The following FASTKD2 variants were observed in gnomAD, a reference collection of about 807,000 sequenced individuals.
FASTKD2 encodes the protein FAST kinase domain-containing protein 2, mitochondrial.
FASTKD2 carries 51 observed loss-of-function variants against 63.6 expected under a neutral mutation model. The ratio of observed to expected loss-of-function variants is 0.80; its 90% CI spans 0.64 to 1.01. FASTKD2 has a LOEUF of 1.01. Among genes scored for constraint, FASTKD2 ranks in the 50% least tolerant of loss-of-function variants. The pLI, the probability that FASTKD2 is intolerant of heterozygous loss-of-function variation, is 0.00. For missense variants in FASTKD2, 786 were observed against 831.1 expected, an observed-to-expected ratio of 0.95 and a Z score of 0.67; for synonymous variants, 284 against 293.4, an observed-to-expected ratio of 0.97 and a Z score of 0.33.
At chr2:206,774,152 T>C (rs1689758640) in intron 6 of FASTKD2, 73 bp from the exon 7 acceptor site, 1 of 1,028,278 alleles carries the variant, frequency 9.7e-7, no homozygotes, top group African/African-American at 1.6e-5. Flanking sequence ...GCTTAGATTT[T>C]TTGAGATCTA....
In FASTKD2 at chr2:206,766,825, T is replaced by G; in HGVS notation, c.132T>G (p.Cys44Trp). ...LVSTSRTMRL[C>W]CLGLCKPKIV... Reference sequence around the variant, plus strand: ...CAACAAGCAGAACTATGAGGCTATGTTGTTTGGGACTTTGCAAACCAAAAA... The same window carrying G: ...CAACAAGCAGAACTATGAGGCTATGGTGTTTGGGACTTTGCAAACCAAAAA... Residue 44 changes from cysteine to tryptophan, a missense_variant, in exon 2 of 12, where the codon TGT (cysteine) becomes TGG (tryptophan). Coordinates refer to ENST00000402774, the MANE Select transcript of FASTKD2 (RefSeq NM_001136193.2). The G allele has an allele frequency of 1.9e-6, 3 of 1,612,222 alleles. No homozygotes were observed. The highest frequency in any genetic ancestry group is 2.5e-6 in the Non-Finnish European group (3 of 1,178,858).
intron 7 of FASTKD2, among the ~76,000 whole-genome samples, chr2:206,781,651 A>T (rs1574670712): frequency 2.1e-5 from 3 of 143,464 alleles, no homozygotes; most frequent in African/African-American, 7.7e-5. Context: ...AGAGGGATTT[A>T]CTGGTTTCTT....
At position 206,796,002 on chromosome 2, in the gene FASTKD2, C is replaced by T. The variant is rs1454796517; in HGVS notation, c.*4200C>T. Among the ~76,000 whole-genome samples, 1 of 152,156 alleles carries T rather than the reference C, an allele frequency of 6.6e-6. No homozygotes were observed. Among genetic ancestry groups the T allele is most frequent in the Non-Finnish European group, 1.5e-5 (1 of 68,030 alleles). ...GTCAGACTAAAGGCTGCTCCTTCAG[C>T]CTTTCCATTCATCTTGTAAGCAGGA... On this transcript the variant is annotated 3_prime_UTR_variant, in exon 12 of 12. Transcript: ENST00000402774.
intron 7 of FASTKD2, among the ~76,000 whole-genome samples, chr2:206,779,209 T>C (rs1379732730): frequency 2.0e-5 from 3 of 152,204 alleles, no homozygotes; most frequent in African/African-American, 7.2e-5. Context: ...CTCTGCTCTC[T>C]TTTGGTTACC....
rs368819721 is a variant in FASTKD2, at chr2:206,767,405, G to A, written c.712G>A (p.Ala238Thr). The A allele has an allele frequency of 1.6e-5, 26 of 1,613,232 alleles. No individual in the cohort carries two copies. The highest frequency in any genetic ancestry group is 1.3e-4 in the East Asian group (6 of 44,894). ...QYKYLLFSLH[A>T]IVKLGIPQNT... is the part of the protein sequence containing the mutation. ...TAAGTACCTACTGTTCAGTCTTCAC[G>A]CCATAGTGAAGCTTGGAATCCCTCA... Residue 238 changes from alanine (A) to threonine (T), a missense_variant, in exon 2 of 12, where the codon GCC (alanine) becomes ACC (threonine). Transcript: ENST00000402774.
At chr2:206,769,966 T>G in intron 2 of FASTKD2, 125 bp from the exon 3 acceptor site, 1 of 717,194 alleles carries the variant, frequency 1.4e-6, no homozygotes, top group South Asian at 1.5e-5. Context: ...GTGGACTGAC[T>G]GTAGGAATTG....
intron 10 of FASTKD2, chr2:206,790,142 G>GT (rs1333140994): frequency 6.3e-6 from 1 of 157,810 alleles, no homozygotes; most frequent in Non-Finnish European, 1.4e-5. Context: ...TCCTATTTCT[G>GT]TTTTTTAAAT....
At chr2:206,777,287 C>T (rs555949105) in intron 7 of FASTKD2, among the ~76,000 whole-genome samples, 3 of 152,076 alleles carry the variant, frequency 2.0e-5, no homozygotes, top group African/African-American at 2.4e-5. Context: ...TTTTCATCAT[C>T]GAATATGATG....
chr2:206,768,976 C>T (rs1294759746), intron 2 of FASTKD2, among the ~76,000 whole-genome samples: 1 of 152,162 alleles, frequency 6.6e-6, no homozygotes, highest in Non-Finnish European at 1.5e-5. Context: ...AATCACCTTA[C>T]CTGGTCAGTG....
intron 7 of FASTKD2, among the ~76,000 whole-genome samples, chr2:206,780,264 T>C (rs1468778185): frequency 6.6e-6 from 1 of 152,240 alleles, no homozygotes; most frequent in Non-Finnish European, 1.5e-5. Context: ...ATTTCACCTG[T>C]CTTTAGCGTT....
intron 7 of FASTKD2, 150 bp from the exon 8 acceptor site, chr2:206,786,583 T>A: frequency 1.4e-6 from 1 of 737,438 alleles, no homozygotes; most frequent in Non-Finnish European, 2.5e-6. Context: ...ATTTATTGAA[T>A]GTATACACTT....
intron 9 of FASTKD2, 86 bp from the exon 10 acceptor site, chr2:206,788,731 CAA>C (rs5838043): frequency 0.017 from 9,228 of 543,952 alleles, no homozygotes; most frequent in Middle Eastern, 0.021. Flanking sequence ...GACCACATCT[CAA>C]AAAAAAAAAA....
rs575685523 is a variant in FASTKD2, at chr2:206,792,961, G to T, written c.*1159G>T. The stretch of plus-strand genomic sequence containing the variant: ...AAAACTGGGCTGGGCACGGTGGCTC[G>T]TGCTTGTCATCCCAGCACTTGGGAG... On this transcript the variant is annotated 3_prime_UTR_variant, in exon 12 of 12. Transcript: ENST00000402774. 1.3e-5 allele frequency among the ~76,000 whole-genome samples: 2 copies of T among 152,084 alleles called. No homozygotes were observed. The highest frequency in any genetic ancestry group is 2.9e-5 in the Non-Finnish European group (2 of 68,002).
chr2:206,773,363 A>T (rs1249572930), intron 6 of FASTKD2, among the ~76,000 whole-genome samples: 1 of 150,496 alleles, frequency 6.6e-6, no homozygotes, highest in African/African-American at 2.4e-5. Flanking sequence ...TTTGTTAGAT[A>T]TTTAGCATGA....
intron 3 of FASTKD2, among the ~76,000 whole-genome samples, chr2:206,770,520 G>T (rs1689644244): frequency 6.6e-6 from 1 of 152,108 alleles, no homozygotes; most frequent in Non-Finnish European, 1.5e-5. Flanking sequence ...GAGGCAGGCG[G>T]ATCACGAGGT....
intron 7 of FASTKD2, among the ~76,000 whole-genome samples, chr2:206,777,501 T>G (rs1689853475): frequency 6.6e-6 from 1 of 152,142 alleles, no homozygotes; most frequent in South Asian, 2.1e-4. Context: ...CTGAACCGTC[T>G]TTGCATCCCA....
chr2:206,785,380 T>C (rs1184928089), intron 7 of FASTKD2, among the ~76,000 whole-genome samples: 1 of 152,148 alleles, frequency 6.6e-6, no homozygotes, highest in Non-Finnish European at 1.5e-5. Flanking sequence ...CAGTGTTGCC[T>C]GGAGGGGTTG....
At position 206,770,076 on chromosome 2, in the gene FASTKD2, A is replaced by G; in HGVS notation, c.778-15A>G. ...GCTCATCACCTGTAGTGTTTTTGTA[A>G]TTATATTTCAATAGGAACGTATCAA... On this transcript the variant is annotated splice_polypyrimidine_tract_variant and intron_variant, in intron 2 of 11. Coordinates refer to ENST00000402774, the MANE Select transcript of FASTKD2 (RefSeq NM_001136193.2). 1 of 1,538,204 alleles carries G rather than the reference A, an allele frequency of 6.5e-7. No homozygotes were observed. The highest frequency in any genetic ancestry group is 1.1e-5 in the South Asian group (1 of 89,572).
At chr2:206,780,517 GA>G (rs1294744904) in intron 7 of FASTKD2, among the ~76,000 whole-genome samples, 1 of 152,196 alleles carries the variant, frequency 6.6e-6, no homozygotes, top group East Asian at 1.9e-4. Context: ...ATCCTTGTGG[GA>G]GATACGAGTT....
Sources: gnomAD v4.1 joint callset for allele counts (sites outside exome capture counted in the v4.1 genomes callset) on GRCh38, gnomAD v4.1.1 for gene constraint, MANE v1.5 for transcripts, NCBI Gene and HGNC (gene_info 2026-07-23, HGNC 2026-07-21) for gene names.